The following TSPEAR variants were observed in gnomAD, a reference collection of about 807,000 sequenced individuals.
The protein encoded by TSPEAR is thrombospondin type laminin G domain and EAR repeats.
A neutral mutation model predicts 71.6 loss-of-function variants in TSPEAR; 69 were observed. That is an observed-to-expected ratio of 0.96 (90% confidence interval 0.79 to 1.18). The LOEUF is 1.18. Ranked by LOEUF, TSPEAR falls within the 50% of genes most tolerant of loss-of-function variation. TSPEAR has a pLI of 0.00. For missense variants in TSPEAR, 971 were observed against 894.9 expected (o/e 1.09, Z -1.09); for synonymous variants, 402 against 387.2 (o/e 1.04, Z -0.45).
chr21:44,585,997 T>G (rs1979313267), intron 1 of TSPEAR, among the ~76,000 whole-genome samples: 1 of 152,240 alleles, frequency 6.6e-6, no homozygotes, highest in South Asian at 2.1e-4. Flanking sequence ...TGCCGCTGGC[T>G]GAGTACAGGG....
chr21:44,637,846 G>A (rs2146220983), intron 1 of TSPEAR: 4 of 1,610,428 alleles, frequency 2.5e-6, no homozygotes, highest in Non-Finnish European at 3.4e-6. Context: ...CCCCATGCCA[G>A]CAGGCCTGCT....
At chr21:44,638,183 A>G in intron 1 of TSPEAR, 3 of 1,598,812 alleles carry the variant, frequency 1.9e-6, no homozygotes, top group Non-Finnish European at 2.6e-6. Flanking sequence ...ACAGCCCTGG[A>G]TGTGATCCGG....
chr21:44,659,450 C>T (rs1555943273), intron 1 of TSPEAR, among the ~76,000 whole-genome samples: 1 of 152,010 alleles, frequency 6.6e-6, no homozygotes, highest in Admixed American at 6.6e-5. Flanking sequence ...CAGTGTCTGA[C>T]CAGATTGACT....
chr21:44,611,720 C>G (rs587747810), intron 1 of TSPEAR, among the ~76,000 whole-genome samples: 1 of 152,202 alleles, frequency 6.6e-6, no homozygotes, highest in East Asian at 1.9e-4. Flanking sequence ...TACCAAATAC[C>G]CCAATAGCAA....
intron 6 of TSPEAR, 26 bp downstream of exon 6, chr21:44,528,426 A>G (rs781926258): frequency 1.9e-6 from 3 of 1,613,052 alleles, no homozygotes; most frequent in Non-Finnish European, 2.5e-6. Flanking sequence ...CTGCATGCCA[A>G]CGCCCCGGGT....
intron 11 of TSPEAR, among the ~76,000 whole-genome samples, chr21:44,502,910 C>T (rs1226445752): frequency 6.9e-5 from 9 of 131,344 alleles, no homozygotes; most frequent in African/African-American, 2.1e-4. Context: ...GGAAGTAAGG[C>T]GCTGGGAGGA....
chr21:44,609,346 G>A lies in TSPEAR; in HGVS notation c.83-41341C>T, dbSNP rs142519822. 4.2e-3 allele frequency among the ~76,000 whole-genome samples: 645 copies of A among 152,302 alleles called. 5 individuals are homozygous for A. The highest frequency in any genetic ancestry group is 0.015 in the African/African-American group (615 of 41,572). ...GCAGAATAAAGGCATTTTTAGTCAT[G>A]CTATGGCTCAAAAATATATCTTCCT... On this transcript the variant is annotated intron_variant, in intron 1 of 11. Transcript: ENST00000323084.
rs55672014 is a variant in TSPEAR, at chr21:44,646,124, CAAAAAAAAAA to C, written c.82+65299_82+65308del. Among the ~76,000 whole-genome samples, 173 of 31,228 alleles carry C rather than the reference CAAAAAAAAAA, an allele frequency of 5.5e-3. 1 individual carries two copies. Among genetic ancestry groups the C allele is most frequent in the African/African-American group, 0.016 (155 of 9,466 alleles). 20.5% of individuals were successfully genotyped at this position (31,228 alleles called of 152,430 possible). On this transcript the variant is annotated intron_variant, in intron 1 of 11. Transcript: ENST00000323084. ...TGGGTGACAGAGCAAGACTCCCTCTCAAAAAAAAAAAAAAAAAAAAAAAAAAAAAAGGAAA... is the reference window on the plus strand; with the variant it reads ...TGGGTGACAGAGCAAGACTCCCTCTCAAAAAAAAAAAAAAAAAAAAGGAAA...
At position 44,601,583 on chromosome 21, in the gene TSPEAR, G is replaced by A. The variant is rs587754714; in HGVS notation, c.83-33578C>T. On this transcript the variant is annotated intron_variant, in intron 1 of 11. Transcript: ENST00000323084. Reference sequence around the variant, plus strand: ...TGCCGCCCCGTGTGCAGGCCCGCCTGCTGCGTGCCCGTCCCCTCCTGCTGC... The same window carrying A: ...TGCCGCCCCGTGTGCAGGCCCGCCTACTGCGTGCCCGTCCCCTCCTGCTGC... 42 of 1,613,548 alleles carry A rather than the reference G, an allele frequency of 2.6e-5. No individual in the cohort carries two copies. In the South Asian group the frequency reaches 4.4e-4, roughly 17 times the overall value.
intron 1 of TSPEAR, among the ~76,000 whole-genome samples, chr21:44,590,833 C>T (rs1415499618): frequency 1.3e-5 from 2 of 151,994 alleles, no homozygotes; most frequent in African/African-American, 4.8e-5. Context: ...GGCAGCTTTC[C>T]TAAGATGGGC....
intron 1 of TSPEAR, chr21:44,637,898 T>C: frequency 6.5e-7 from 1 of 1,532,410 alleles, no homozygotes; most frequent in Non-Finnish European, 8.9e-7. Flanking sequence ...TGTGCCTGTG[T>C]GCTCTGGGGC....
rs782554042 is a variant in TSPEAR, at chr21:44,579,821, C to T, written c.83-11816G>A. 62 of 1,609,712 alleles carry T rather than the reference C, an allele frequency of 3.9e-5. 1 individual carries two copies. The highest frequency in any genetic ancestry group is 3.2e-4 in the South Asian group (29 of 90,336). Reference sequence around the variant, plus strand: ...GAGGAGGGACACGCAGGAGGCCGGGCGGCAGCAGCTGGCCTGGTAGGAGGA... The same window carrying T: ...GAGGAGGGACACGCAGGAGGCCGGGTGGCAGCAGCTGGCCTGGTAGGAGGA... On this transcript the variant is annotated intron_variant, in intron 1 of 11. Transcript: ENST00000323084.
At position 44,623,380 on chromosome 21, in the gene TSPEAR, G is replaced by A. The variant is rs11911428; in HGVS notation, c.83-55375C>T. Among the ~76,000 whole-genome samples, 2,919 of 152,206 alleles carry A rather than the reference G, an allele frequency of 0.019. 84 individuals are homozygous for A. The highest frequency in any genetic ancestry group is 0.066 in the African/African-American group (2,755 of 41,512). ...CCAGATAGTATAGTGTACTAAGACT[G>A]CTTTAACTTCATGTAGCCCCCTCCT... On this transcript the variant is annotated intron_variant, in intron 1 of 11. Coordinates refer to ENST00000323084, the MANE Select transcript of TSPEAR (RefSeq NM_144991.3). The surrounding 1 kb of genome is among the most constrained non-coding windows in gnomAD (Gnocchi z 4.5).
At chr21:44,667,247 T>C (rs2329845) in intron 1 of TSPEAR, among the ~76,000 whole-genome samples, 80,284 of 151,962 alleles carry the variant, frequency 0.53, 21,946 homozygotes, top group African/African-American at 0.67. Flanking sequence ...TTCCTCTCTG[T>C]GTGATGATGG....
At chr21:44,518,500 C>CT (rs782412540) in intron 9 of TSPEAR, 7 of 391,474 alleles carry the variant, frequency 1.8e-5, no homozygotes, top group Non-Finnish European at 3.2e-5. Context: ...GGGATCCTTT[C>CT]TCTTGTCACC....
chr21:44,534,667 A>T (rs1170986773), intron 2 of TSPEAR, among the ~76,000 whole-genome samples: 1 of 152,146 alleles, frequency 6.6e-6, no homozygotes, highest in African/African-American at 2.4e-5. Flanking sequence ...GAGAAACTGG[A>T]ACTCTTGCGC....
chr21:44,612,151 G>C lies in TSPEAR; in HGVS notation c.83-44146C>G. On this transcript the variant is annotated intron_variant, in intron 1 of 11. Coordinates refer to ENST00000323084, the MANE Select transcript of TSPEAR (RefSeq NM_144991.3). The surrounding 1 kb of genome is among the most constrained non-coding windows in gnomAD (Gnocchi z 4.1). ...CGTATGTGATTGCTGCATCCACCAT[G>C]TCTGTCTGCTCCAGTGACGTGGGCC... is the stretch of plus-strand genomic sequence containing the variant. The C allele has an allele frequency of 6.2e-7, 1 of 1,614,084 alleles. No individual in the cohort carries two copies. The highest frequency in any genetic ancestry group is 8.5e-7 in the Non-Finnish European group (1 of 1,179,992).
intron 1 of TSPEAR, among the ~76,000 whole-genome samples, chr21:44,706,120 G>T (rs909690700): frequency 6.6e-6 from 1 of 152,202 alleles, no homozygotes; most frequent in African/African-American, 2.4e-5. Context: ...GGCCTAGTGC[G>T]AGCACAGGTC....
chr21:44,580,567 G>A, intron 1 of TSPEAR: 1 of 1,611,012 alleles, frequency 6.2e-7, no homozygotes, highest in Non-Finnish European at 8.5e-7. Context: ...CGGACATGGT[G>A]CACGCGGCCA....
Sources: allele counts gnomAD v4.1 joint callset (sites outside exome capture counted in the v4.1 genomes callset), GRCh38; gene constraint gnomAD v4.1.1; non-coding constraint Gnocchi (gnomAD v3.1); transcripts MANE v1.5; gene names NCBI Gene and HGNC (gene_info 2026-07-23, HGNC 2026-07-21).